The following TRERF1 variants were observed in gnomAD, a reference collection of about 807,000 sequenced individuals.
TRERF1 encodes the protein transcriptional regulating factor 1, also known as transcriptional-regulating factor 1.
A neutral mutation model predicts 122.9 loss-of-function variants in TRERF1; 27 were observed. The ratio of observed to expected loss-of-function variants is 0.22; its 90% confidence interval spans 0.16 to 0.30. The LOEUF (loss-of-function observed/expected upper bound fraction) is 0.30. Ranked by LOEUF, TRERF1 falls within the 10% of genes least tolerant of loss-of-function variation. The pLI is 1.00. For missense variants in TRERF1, 1,248 were observed against 1,560.3 expected, an observed-to-expected ratio of 0.80 and a Z score of 3.37; for synonymous variants, 636 against 641.7, an observed-to-expected ratio of 0.99 and a Z score of 0.13.
At chr6:42,271,424 A>G (rs1780196610) in intron 4 of TRERF1, among the ~76,000 whole-genome samples, 1 of 152,174 alleles carries the variant, frequency 6.6e-6, no homozygotes, top group South Asian at 2.1e-4. Context: ...TCCATGGATA[A>G]TGAAATTGAA....
chr6:42,316,829 C>T (rs1052060814), intron 3 of TRERF1, among the ~76,000 whole-genome samples: 3 of 152,124 alleles, frequency 2.0e-5, no homozygotes, highest in Non-Finnish European at 2.9e-5. Flanking sequence ...TCCCCTCCAC[C>T]GCCCCCAGCT....
intron 1 of TRERF1, among the ~76,000 whole-genome samples, 130 bp downstream of exon 1, chr6:42,451,544 C>T (rs1263508627): frequency 2.6e-5 from 4 of 152,040 alleles, no homozygotes; most frequent in Non-Finnish European, 4.4e-5. Flanking sequence ...CTCCACCCTC[C>T]CTTCAGGAAA....
intron 16 of TRERF1, among the ~76,000 whole-genome samples, chr6:42,233,412 A>G (rs1334557225): frequency 6.6e-6 from 1 of 151,024 alleles, no homozygotes; most frequent in East Asian, 1.9e-4. Context: ...CAGCCTCCCG[A>G]GTAGCTGGGA....
At chr6:42,430,660 C>T (rs1784361528) in intron 2 of TRERF1, among the ~76,000 whole-genome samples, 1 of 151,978 alleles carries the variant, frequency 6.6e-6, no homozygotes, top group African/African-American at 2.4e-5. Flanking sequence ...CTTTGGGAGG[C>T]CAAGGTGGGT....
chr6:42,354,272 T>C (rs955370439), intron 3 of TRERF1, among the ~76,000 whole-genome samples: 1 of 152,234 alleles, frequency 6.6e-6, no homozygotes, highest in South Asian at 2.1e-4. Context: ...TATTTAGTTA[T>C]CTACTCAAGT....
In TRERF1 at chr6:42,275,325, TA is replaced by T. The variant is rs551921536; in HGVS notation, c.-258-5478del. 4.6e-4 allele frequency among the ~76,000 whole-genome samples: 70 copies of T among 152,374 alleles called. No individual in the cohort carries two copies. Among genetic ancestry groups the T allele is most frequent in the Admixed American group, 2.4e-3 (37 of 15,310 alleles). On this transcript the variant is annotated intron_variant, in intron 4 of 17. Coordinates refer to ENST00000372922, the Ensembl canonical transcript of TRERF1. The surrounding 1 kb of genome is among the most constrained non-coding windows in gnomAD (Gnocchi z 4.1). ...TTCATGAACTAATTAACAGAACTGC[TA>T]CCTTCCCATTTCTTCGGTCAATTTC...
intron 3 of TRERF1, among the ~76,000 whole-genome samples, chr6:42,357,314 G>A: frequency 8.5e-6 from 1 of 117,564 alleles, no homozygotes; most frequent in East Asian, 2.6e-4. Flanking sequence ...GGGCAAAAGA[G>A]TAAGACTCTG....
chr6:42,288,923 G>T (rs948822650), intron 4 of TRERF1, among the ~76,000 whole-genome samples: 11 of 151,762 alleles, frequency 7.2e-5, no homozygotes, highest in African/African-American at 2.4e-4. Context: ...CCCCTGAAGA[G>T]CAGGGGAAAC....
intron 2 of TRERF1, among the ~76,000 whole-genome samples, chr6:42,443,057 T>C (rs984568714): frequency 6.6e-6 from 1 of 152,276 alleles, no homozygotes; most frequent in African/African-American, 2.4e-5. Context: ...ATTTCAGTGA[T>C]GGCCTCCATT....
intron 13 of TRERF1, among the ~76,000 whole-genome samples, chr6:42,250,663 C>T (rs1775590261): frequency 6.6e-6 from 1 of 152,138 alleles, no homozygotes; most frequent in Non-Finnish European, 1.5e-5. Context: ...TGAGAGTCCC[C>T]CCACACTCAT....
chr6:42,401,049 C>A (rs929040107), intron 2 of TRERF1, among the ~76,000 whole-genome samples: 3 of 152,180 alleles, frequency 2.0e-5, no homozygotes, highest in African/African-American at 7.2e-5. Context: ...CCCAATGCAC[C>A]AGAAAAGCAC....
In TRERF1 at chr6:42,259,406, A is replaced by G; in HGVS notation, c.2202T>C (p.Pro734=). 6.5e-7 allele frequency: 1 copy of G among 1,543,666 alleles called. No homozygotes were observed. The highest frequency in any genetic ancestry group is 1.2e-5 in the South Asian group (1 of 81,222). Residue 734 remains proline (P), a synonymous_variant, in exon 9 of 18, where the codon CCT becomes CCC. Coordinates refer to ENST00000372922, the Ensembl canonical transcript of TRERF1. This position sits in a 1 kb window ranked among gnomAD's most constrained non-coding sequence, Gnocchi z 4.9. ...TCAGGGGCAGCTGCGGGTGGGCGCC[A>G]GGGCCGTGGCCGGAGATGAGGACAT...
chr6:42,358,783 CTTTTT>C (rs397886998), intron 3 of TRERF1, among the ~76,000 whole-genome samples: 1 of 125,146 alleles, frequency 8.0e-6, no homozygotes, highest in African/African-American at 3.1e-5. Context: ...TGACCTAAAG[CTTTTT>C]TTTTTTTTTT....
chr6:42,258,506 A>C (rs953992019), intron 9 of TRERF1, among the ~76,000 whole-genome samples: 3 of 152,252 alleles, frequency 2.0e-5, no homozygotes, highest in African/African-American at 7.2e-5. Context: ...CTTGATTTTT[A>C]TAAAGCATGC....
intron 2 of TRERF1, among the ~76,000 whole-genome samples, chr6:42,439,155 T>TAG (rs1368204174): frequency 3.3e-5 from 5 of 152,186 alleles, no homozygotes; most frequent in African/African-American, 1.2e-4. Flanking sequence ...TTCCAACACT[T>TAG]TCCTAAGTAG....
Position 42,232,765 on chromosome 6 carries a change from C to T in TRERF1, c.3194G>A (p.Cys1065Tyr), listed in dbSNP as rs1298335943. 1.1e-5 allele frequency: 18 copies of T among 1,613,122 alleles called. No individual in the cohort carries two copies. The highest frequency in any genetic ancestry group is 1.4e-5 in the Non-Finnish European group (17 of 1,179,258). The change falls in exon 17 of 18, where the codon TGT becomes TAT. Residue 1065 changes from cysteine (C) to tyrosine (Y), a missense_variant. This residue lies in a region of TRERF1 where 159 missense variants were observed against 221.7 expected (regional missense o/e 0.72). Coordinates refer to ENST00000372922, the Ensembl canonical transcript of TRERF1. The surrounding 1 kb of genome is among the most constrained non-coding windows in gnomAD (Gnocchi z 4.5). Reference sequence around the variant, plus strand: ...GTGAGAGGGTGAGCTCTTTACCGAACAGTACCCACTCTGGGTGCCACCAGG... The same window carrying T: ...GTGAGAGGGTGAGCTCTTTACCGAATAGTACCCACTCTGGGTGCCACCAGG...
chr6:42,346,363 C>T (rs1390722623), intron 3 of TRERF1, among the ~76,000 whole-genome samples: 2 of 152,188 alleles, frequency 1.3e-5, no homozygotes, highest in Non-Finnish European at 1.5e-5. Context: ...CACAGGGGGC[C>T]GACTCCCCCT....
chr6:42,276,058 A>G lies in TRERF1; in HGVS notation c.-258-6210T>C, dbSNP rs1781085597. Among the ~76,000 whole-genome samples, 1 of 152,208 alleles carries G rather than the reference A, an allele frequency of 6.6e-6. No individual in the cohort carries two copies. Among genetic ancestry groups the G allele is most frequent in the African/African-American group, 2.4e-5 (1 of 41,458 alleles). ...ATCCTTCTTCACTCACAGGCAGTAC[A>G]AGAATAGGTGTGGGCTGGATCTGGC... is the stretch of plus-strand genomic sequence containing the variant. On this transcript the variant is annotated intron_variant, in intron 4 of 17. Transcript: ENST00000372922. This position sits in a 1 kb window ranked among gnomAD's most constrained non-coding sequence, Gnocchi z 4.3.
chr6:42,330,707 C>T (rs940793150), intron 3 of TRERF1, among the ~76,000 whole-genome samples: 1 of 152,162 alleles, frequency 6.6e-6, no homozygotes, highest in Admixed American at 6.5e-5. Flanking sequence ...TCATTCTTTG[C>T]CTAGGCTGGA....
Sources: allele counts gnomAD v4.1 joint callset (sites outside exome capture counted in the v4.1 genomes callset), GRCh38; gene constraint gnomAD v4.1.1; regional missense constraint gnomAD v4.1.1; non-coding constraint Gnocchi (gnomAD v3.1); transcripts MANE v1.5; gene names NCBI Gene and HGNC (gene_info 2026-07-23, HGNC 2026-07-21).